Variants in CEP57 observed in about 807,000 individuals in gnomAD.
CEP57 encodes the protein centrosomal protein 57, also known as centrosomal protein of 57 kDa.
A neutral mutation model predicts 68.0 loss-of-function variants in CEP57; 40 were observed. That is an observed-to-expected ratio of 0.59 (90% CI 0.46 to 0.77). The LOEUF (loss-of-function observed/expected upper bound fraction) is 0.77. Ranked by LOEUF, CEP57 falls within the 30% of genes least tolerant of loss-of-function variation. The pLI is 0.00. For synonymous variants in CEP57, 219 were observed against 198.7 expected, an observed-to-expected ratio of 1.10 and a Z score of -0.86; for missense variants, 606 against 580.7, an observed-to-expected ratio of 1.04 and a Z score of -0.45.
Position 95,831,463 on chromosome 11 carries a change from A to ATGATACG in CEP57, c.*207_*208insTGATACG. 2.1e-6 allele frequency: 1 copy of ATGATACG among 477,858 alleles called. No homozygotes were observed. Among genetic ancestry groups the ATGATACG allele is most frequent in the Non-Finnish European group, 3.8e-6 (1 of 265,736 alleles). The allele number at this position is 477,858 out of a possible 1,614,324, so 29.6% of individuals were successfully genotyped here. ...TAAATGGAAACCAGGGGAGTTTTAAAGCCCGAGAAACCACACATAATCTTT... is the reference window on the plus strand; with the variant it reads ...TAAATGGAAACCAGGGGAGTTTTAAATGATACGGCCCGAGAAACCACACATAATCTTT... On this transcript the variant is annotated 3_prime_UTR_variant, in exon 11 of 11. Transcript: ENST00000325542.
chr11:95,822,135 C>G (rs1437410134), intron 7 of CEP57, 157 bp downstream of exon 7: 7 of 651,754 alleles, frequency 1.1e-5, no homozygotes, highest in African/African-American at 1.8e-5. Flanking sequence ...ATACCTACTC[C>G]TAAATTTTTA....
In CEP57 at chr11:95,813,031, C is replaced by T. The variant is rs1862136415; in HGVS notation, c.302C>T (p.Thr101Ile). 1 of 1,613,574 alleles carries T rather than the reference C, an allele frequency of 6.2e-7. No individual in the cohort carries two copies. Among genetic ancestry groups the T allele is most frequent in the Non-Finnish European group, 8.5e-7 (1 of 1,179,824 alleles). ...AGTGTGAAAACCTTGTCTAGAGAAA[C>T]AATTGAATATAAGAAAGTACTGGAT... Reference protein sequence around the residue: ...EESVKTLSRETIEYKKVLDEQ... With the variant: ...EESVKTLSREIIEYKKVLDEQ... The change falls in exon 3 of 11, where the codon ACA becomes ATA. Residue 101 changes from threonine to isoleucine, a missense_variant. Coordinates refer to ENST00000325542, the MANE Select transcript of CEP57 (RefSeq NM_014679.5).
intron 2 of CEP57, among the ~76,000 whole-genome samples, chr11:95,800,906 T>G (rs1195879866): frequency 6.6e-6 from 1 of 152,262 alleles, no homozygotes; most frequent in Admixed American, 6.5e-5. Flanking sequence ...AAATGAAATA[T>G]CTTTGCTTTA....
At chr11:95,817,719 A>G in intron 4 of CEP57, 68 bp from the exon 5 acceptor site, 4 of 1,056,704 alleles carry the variant, frequency 3.8e-6, no homozygotes, top group Non-Finnish European at 6.0e-6. Flanking sequence ...GCATAGAAAA[A>G]CACTGCTCAG....
At position 95,790,503 on chromosome 11, in the gene CEP57, T is replaced by C. The variant is rs1296895526; in HGVS notation, c.-196T>C. The C allele has an allele frequency of 9.7e-6, 6 of 618,388 alleles. No homozygotes were observed. Among genetic ancestry groups the C allele is most frequent in the Non-Finnish European group, 1.4e-5 (5 of 350,422 alleles). 38.3% of individuals were successfully genotyped at this position (618,388 alleles called of 1,614,324 possible). On this transcript the variant is annotated 5_prime_UTR_variant, in exon 1 of 11. Coordinates refer to ENST00000325542, the MANE Select transcript of CEP57 (RefSeq NM_014679.5). ...GTCCGTTAGGACGTGTTGCCCTTTC[T>C]GTGTAAGCTGTGAGCGTAGGCGGCC...
chr11:95,824,304 A>G (rs1472381594), intron 8 of CEP57, among the ~76,000 whole-genome samples: 1 of 152,154 alleles, frequency 6.6e-6, no homozygotes, highest in African/African-American at 2.4e-5. Flanking sequence ...CTACTCTAGC[A>G]GGTGCCAAAA....
At chr11:95,808,207 C>A (rs931944363) in intron 2 of CEP57, among the ~76,000 whole-genome samples, 2 of 151,954 alleles carry the variant, frequency 1.3e-5, no homozygotes, top group African/African-American at 4.8e-5. Context: ...TACAAGATCT[C>A]CTGAAGGAAC....
intron 6 of CEP57, among the ~76,000 whole-genome samples, chr11:95,821,531 TGAAAA>T (rs2135350787): frequency 6.6e-6 from 1 of 152,310 alleles, no homozygotes; most frequent in African/African-American, 2.4e-5. Context: ...ATGCCATTTT[TGAAAA>T]GAATATATTT....
intron 2 of CEP57, among the ~76,000 whole-genome samples, chr11:95,808,808 TAAC>T (rs747539484): frequency 6.6e-5 from 10 of 152,110 alleles, no homozygotes; most frequent in Non-Finnish European, 2.9e-5. Flanking sequence ...GACAGAAAGT[TAAC>T]AAGGATATCC....
intron 1 of CEP57, among the ~76,000 whole-genome samples, chr11:95,797,035 G>A (rs576051852): frequency 1.3e-5 from 2 of 152,150 alleles, no homozygotes; most frequent in South Asian, 4.2e-4. Context: ...TTTTCATTGA[G>A]CTTTCATTAC....
Position 95,791,432 on chromosome 11 carries a change from C to T in CEP57, c.45+689C>T, listed in dbSNP as rs148752616. On this transcript the variant is annotated intron_variant, in intron 1 of 10. Coordinates refer to ENST00000325542, the MANE Select transcript of CEP57 (RefSeq NM_014679.5). ...ACTGGTATTTCTCAAATTGGAGTGTCGAATGCTTAGGTTTTTGAAAACCGC... is the reference window on the plus strand; with the variant it reads ...ACTGGTATTTCTCAAATTGGAGTGTTGAATGCTTAGGTTTTTGAAAACCGC... Among the ~76,000 whole-genome samples the T allele has an allele frequency of 8.5e-5, 13 of 152,222 alleles. No homozygotes were observed. The East Asian group carries it at 2.5e-3, about 29-fold the overall frequency.
chr11:95,815,963 C>A (rs1862279254), intron 4 of CEP57, among the ~76,000 whole-genome samples: 1 of 152,096 alleles, frequency 6.6e-6, no homozygotes, highest in Non-Finnish European at 1.5e-5. Context: ...CTTTCATTTG[C>A]TTTTGAGTTC....
At chr11:95,812,340 C>T (rs1862101809) in intron 2 of CEP57, among the ~76,000 whole-genome samples, 2 of 152,038 alleles carry the variant, frequency 1.3e-5, no homozygotes, top group Non-Finnish European at 2.9e-5. Context: ...TTTTTTACCA[C>T]TTTATAAAAG....
chr11:95,795,157 T>C (rs1421689317), intron 1 of CEP57, among the ~76,000 whole-genome samples: 1 of 152,226 alleles, frequency 6.6e-6, no homozygotes, highest in African/African-American at 2.4e-5. Context: ...GTTTAGATTT[T>C]ATTGAATTTC....
At chr11:95,818,150 G>A (rs1443172886) in intron 5 of CEP57, 15 of 386,228 alleles carry the variant, frequency 3.9e-5, no homozygotes, top group South Asian at 6.7e-5. Context: ...GGTGGCTCAC[G>A]CCTGTAATCC....
chr11:95,793,686 C>G (rs1861208147), intron 1 of CEP57, among the ~76,000 whole-genome samples: 1 of 152,158 alleles, frequency 6.6e-6, no homozygotes, highest in South Asian at 2.1e-4. Flanking sequence ...ATTTAATCCT[C>G]ACAATAACCT....
chr11:95,791,154 A>G (rs1038052879), intron 1 of CEP57, among the ~76,000 whole-genome samples: 8 of 152,160 alleles, frequency 5.3e-5, no homozygotes, highest in Admixed American at 1.3e-4. Flanking sequence ...ACGTTGCAGA[A>G]TAGTAGTCCG....
Position 95,829,302 on chromosome 11 carries a change from A to T in CEP57, c.1243A>T (p.Ile415Leu). Residue 415 changes from isoleucine (I) to leucine (L), a missense_variant, in exon 10 of 11, where the codon ATA (isoleucine) becomes TTA (leucine). Ile to Leu is a conservative substitution (Grantham distance 5). Transcript: ENST00000325542. ...AAGGATGGAAGCAAAAGCCAACCAAATAACTAAAGTTCGAAAATACCAAGC... is the reference window on the plus strand; with the variant it reads ...AAGGATGGAAGCAAAAGCCAACCAATTAACTAAAGTTCGAAAATACCAAGC... The part of the protein sequence containing the change: ...VGRMEAKANQ[I>L]TKVRKYQAQL... 1 of 1,614,104 alleles carries T rather than the reference A, an allele frequency of 6.2e-7. No homozygotes were observed. The highest frequency in any genetic ancestry group is 8.5e-7 in the Non-Finnish European group (1 of 1,180,000).
intron 9 of CEP57, among the ~76,000 whole-genome samples, chr11:95,828,381 AGCTTATT>A (rs1274199622): frequency 6.6e-6 from 1 of 152,114 alleles, no homozygotes; most frequent in East Asian, 1.9e-4. Flanking sequence ...CTAAGCTTAT[AGCTTATT>A]GCTCCTAGGC....
Sources: allele counts gnomAD v4.1 joint callset (sites outside exome capture counted in the v4.1 genomes callset), GRCh38; gene constraint gnomAD v4.1.1; transcripts MANE v1.5; gene names NCBI Gene and HGNC (gene_info 2026-07-23, HGNC 2026-07-21).